Variants in FANCM observed in about 807,000 individuals in gnomAD.
FANCM encodes the protein FA complementation group M.
In FANCM, 140 loss-of-function variants were observed where a neutral mutation model predicts 199.5. The observed-to-expected ratio is 0.70, with a 90% CI of 0.61 to 0.81. FANCM has a LOEUF of 0.81. Among genes scored for constraint, FANCM ranks in the 30% least tolerant of loss-of-function variants. The pLI is 0.00. For synonymous variants in FANCM, 840 were observed against 836.8 expected (o/e 1.00, Z -0.07); for missense variants, 2,410 against 2,421.4 (o/e 1.00, Z 0.10).
intron 9 of FANCM, among the ~76,000 whole-genome samples, chr14:45,159,965 T>G (rs1269308417): frequency 6.6e-6 from 1 of 151,904 alleles, no homozygotes. Flanking sequence ...GATCCTTTTT[T>G]GATTCTGCAG....
chr14:45,153,178 A>G (rs1262128341), intron 5 of FANCM, among the ~76,000 whole-genome samples: 1 of 152,200 alleles, frequency 6.6e-6, no homozygotes, highest in African/African-American at 2.4e-5. Context: ...TACTTCCATA[A>G]AGGAATGTGT....
chr14:45,166,016 A>G lies in FANCM; in HGVS notation c.1789-934A>G, dbSNP rs577555672. On this transcript the variant is annotated intron_variant, in intron 10 of 22. Coordinates refer to ENST00000267430, the MANE Select transcript of FANCM (RefSeq NM_020937.4). ...AAACACAAGACAACCTTACACTTCT[A>G]TGTAAATATCAGTCTTTTTTAAAAA... is the stretch of plus-strand genomic sequence containing the variant. Among the ~76,000 whole-genome samples the G allele has an allele frequency of 9.8e-5, 15 of 152,354 alleles. No homozygotes were observed. In the East Asian group the frequency reaches 2.9e-3, roughly 29 times the overall value.
At position 45,154,071 on chromosome 14, in the gene FANCM, T is replaced by C. The variant is rs1160186513; in HGVS notation, c.1183+19T>C. ...ACTAAAGGTAAATTATATCAAATTA[T>C]TTAAAGAAATAATGACATGTATTAT... On this transcript the variant is annotated intron_variant, in intron 6 of 22. Coordinates refer to ENST00000267430, the MANE Select transcript of FANCM (RefSeq NM_020937.4). The C allele has an allele frequency of 6.7e-7, 1 of 1,497,156 alleles. No homozygotes were observed. The highest frequency in any genetic ancestry group is 1.7e-5 in the Admixed American group (1 of 59,766). 92.7% of individuals were successfully genotyped at this position (1,497,156 alleles called of 1,614,324 possible).
chr14:45,193,756 A>C (rs1258388247), intron 20 of FANCM, among the ~76,000 whole-genome samples: 1 of 149,888 alleles, frequency 6.7e-6, no homozygotes, highest in Non-Finnish European at 1.5e-5. Context: ...TGAGTTTTCT[A>C]ACTTTGTTTT....
intron 3 of FANCM, among the ~76,000 whole-genome samples, chr14:45,144,991 T>C (rs1449743610): frequency 1.3e-5 from 2 of 152,008 alleles, no homozygotes; most frequent in Non-Finnish European, 2.9e-5. Flanking sequence ...CCATGACATA[T>C]TACCTGGGTA....
intron 18 of FANCM, among the ~76,000 whole-genome samples, chr14:45,185,938 G>C (rs1373099690): frequency 1.3e-5 from 2 of 152,056 alleles, no homozygotes; most frequent in Non-Finnish European, 2.9e-5. Context: ...TTACTCTGTT[G>C]CCCAGAGTAG....
chr14:45,179,484 T>C lies in FANCM; in HGVS notation c.4223-1946T>C, dbSNP rs143701014. The stretch of plus-strand genomic sequence containing the variant: ...TCTTTCTTTTTGCATTTTGCTCTTA[T>C]AGCAAAAAGCAACATTTTGTCTGGA... On this transcript the variant is annotated intron_variant, in intron 14 of 22. Transcript: ENST00000267430. Among the ~76,000 whole-genome samples the C allele has an allele frequency of 4.9e-3, 742 of 152,096 alleles. 9 individuals carry two copies. Among genetic ancestry groups the C allele is most frequent in the African/African-American group, 0.017 (699 of 41,536 alleles).
intron 2 of FANCM, among the ~76,000 whole-genome samples, chr14:45,138,548 G>C (rs1885688077): frequency 1.3e-5 from 2 of 151,884 alleles, no homozygotes; most frequent in African/African-American, 4.8e-5. Context: ...AAAAATTTTA[G>C]CTTGAGGCCA....
intron 16 of FANCM, 132 bp downstream of exon 16, chr14:45,181,837 T>C: frequency 1.5e-6 from 1 of 652,462 alleles, no homozygotes; most frequent in Middle Eastern, 4.1e-4. Flanking sequence ...TTGTATGTGA[T>C]TGGAATTTCT....
intron 9 of FANCM, among the ~76,000 whole-genome samples, chr14:45,159,835 A>T (rs879695850): frequency 6.6e-6 from 1 of 152,092 alleles, no homozygotes; most frequent in African/African-American, 2.4e-5. Context: ...TTTTGAGGGA[A>T]ATTTTACATT....
intron 11 of FANCM, among the ~76,000 whole-genome samples, chr14:45,169,386 T>G (rs1385133479): frequency 5.3e-5 from 8 of 151,152 alleles, no homozygotes; most frequent in African/African-American, 1.9e-4. Flanking sequence ...TTTATTTGTT[T>G]TTTTTTTTTC....
At chr14:45,146,612 C>T (rs1886402791) in intron 3 of FANCM, among the ~76,000 whole-genome samples, 1 of 151,906 alleles carries the variant, frequency 6.6e-6, no homozygotes. Flanking sequence ...GGGTGGATCA[C>T]GAAGTCAGGA....
At chr14:45,146,437 A>G (rs1393067108) in intron 3 of FANCM, among the ~76,000 whole-genome samples, 1 of 152,060 alleles carries the variant, frequency 6.6e-6, no homozygotes, top group Non-Finnish European at 1.5e-5. Context: ...CATGCTTCCA[A>G]TGATAGCTTT....
intron 9 of FANCM, among the ~76,000 whole-genome samples, chr14:45,159,710 TTTTA>T (rs1264070792): frequency 7.2e-5 from 11 of 152,116 alleles, no homozygotes; most frequent in Admixed American, 7.2e-4. Context: ...ATTAGCCTCT[TTTTA>T]TTTATTTAAA....
At chr14:45,141,508 C>CCCCCTT (rs1369891914) in intron 3 of FANCM, among the ~76,000 whole-genome samples, 2 of 114,336 alleles carry the variant, frequency 1.7e-5, no homozygotes, top group Non-Finnish European at 3.5e-5. Flanking sequence ...CTGTTCTCCT[C>CCCCCTT]CCCCTCCCCT....
chr14:45,139,573 A>C (rs1380434883), intron 2 of FANCM, among the ~76,000 whole-genome samples: 2 of 152,230 alleles, frequency 1.3e-5, no homozygotes, highest in African/African-American at 4.8e-5. Context: ...TCAAACCAGA[A>C]AGTGCAGATG....
At chr14:45,150,444 G>A (rs1041325544) in intron 4 of FANCM, among the ~76,000 whole-genome samples, 1 of 152,108 alleles carries the variant, frequency 6.6e-6, no homozygotes, top group Non-Finnish European at 1.5e-5. Context: ...GAAAAAAAAT[G>A]TATTAAACTA....
At chr14:45,181,298 C>A (rs1009445505) in intron 14 of FANCM, 132 bp from the exon 15 acceptor site, 1 of 616,710 alleles carries the variant, frequency 1.6e-6, no homozygotes, top group Non-Finnish European at 2.8e-6. Flanking sequence ...CCAAGACTAT[C>A]TTTTTTTGAA....
intron 3 of FANCM, among the ~76,000 whole-genome samples, chr14:45,144,642 C>T (rs1325845756): frequency 1.3e-5 from 2 of 152,210 alleles, no homozygotes; most frequent in African/African-American, 4.8e-5. Context: ...ATGAGGTGTA[C>T]TGCCAGTCTA....
Sources: allele counts gnomAD v4.1 joint callset (sites outside exome capture counted in the v4.1 genomes callset), GRCh38; gene constraint gnomAD v4.1.1; transcripts MANE v1.5; gene names NCBI Gene and HGNC (gene_info 2026-07-23, HGNC 2026-07-21).